The following SHC2 variants were observed in gnomAD, a reference collection of about 807,000 sequenced individuals.
SHC2 encodes SHC-transforming protein 2.
SHC2 carries 62 observed loss-of-function variants against 60.6 expected under a neutral mutation model. That is an observed-to-expected ratio of 1.02 (90% CI 0.83 to 1.26). The LOEUF is 1.26. Ranked by LOEUF, SHC2 falls within the 50% of genes most tolerant of loss-of-function variation. The pLI is 0.00. For missense variants in SHC2, 873 were observed against 822.2 expected (o/e 1.06, Z -0.76); for synonymous variants, 375 against 372.4 (o/e 1.01, Z -0.08).
At chr19:456,851 C>A (rs1312169761) in intron 1 of SHC2, among the ~76,000 whole-genome samples, 1,111 of 96,634 alleles carry the variant, frequency 0.011, 7 homozygotes, top group African/African-American at 0.038. Context: ...TGTCTGCAAT[C>A]CCCACCACGT....
At chr19:430,110 C>G (rs1003827120) in intron 9 of SHC2, among the ~76,000 whole-genome samples, 1 of 147,986 alleles carries the variant, frequency 6.8e-6, no homozygotes, top group Non-Finnish European at 1.5e-5. Flanking sequence ...AACCTAATAC[C>G]GTGTGGATGA....
At chr19:457,844 T>C (rs61749993) in intron 1 of SHC2, among the ~76,000 whole-genome samples, 14,727 of 152,318 alleles carry the variant, frequency 0.097, 864 homozygotes, top group Middle Eastern at 0.21. Flanking sequence ...GGCGTTAAAC[T>C]TGTAGGACAA....
At position 424,618 on chromosome 19, in the gene SHC2, C is replaced by T. The variant is rs1482044863; in HGVS notation, c.1309+479G>A. Among the ~76,000 whole-genome samples the T allele has an allele frequency of 6.6e-6, 1 of 152,192 alleles. No individual in the cohort carries two copies. The highest frequency in any genetic ancestry group is 1.5e-5 in the Non-Finnish European group (1 of 68,038). On this transcript the variant is annotated intron_variant, in intron 10 of 12. Transcript: ENST00000264554. The surrounding 1 kb of genome is among the most constrained non-coding windows in gnomAD (Gnocchi z 4.5). ...GGCCTCACAGACGGGGCCGCAGCCTCCCACCACACTGACCATTCTTTCAAG... is the reference window on the plus strand; with the variant it reads ...GGCCTCACAGACGGGGCCGCAGCCTTCCACCACACTGACCATTCTTTCAAG...
At chr19:442,186 A>C (rs1974888310) in intron 1 of SHC2, among the ~76,000 whole-genome samples, 1 of 151,724 alleles carries the variant, frequency 6.6e-6, no homozygotes, top group Admixed American at 6.6e-5. Context: ...GACTGACAGA[A>C]AGATGGCAGG....
At chr19:436,551 G>T in intron 5 of SHC2, 79 bp downstream of exon 5, 1 of 1,580,860 alleles carries the variant, frequency 6.3e-7, no homozygotes. Context: ...CGTTAGGCGG[G>T]CTCTGGGGAA....
rs112529733 is a variant in SHC2, at chr19:437,283, T to C, written c.721-600A>G. On this transcript the variant is annotated intron_variant, in intron 4 of 12. Coordinates refer to ENST00000264554, the MANE Select transcript of SHC2 (RefSeq NM_012435.3). Reference sequence around the variant, plus strand: ...GCGTGCTCGTCTGCGTGCTCGTCTGTGTGCTCATCTGCGTGCTCGTCTGTG... The same window carrying C: ...GCGTGCTCGTCTGCGTGCTCGTCTGCGTGCTCATCTGCGTGCTCGTCTGTG... Among the ~76,000 whole-genome samples the C allele has an allele frequency of 6.2e-3, 906 of 145,750 alleles. 3 individuals carry two copies. Among genetic ancestry groups the C allele is most frequent in the African/African-American group, 9.4e-3 (339 of 36,138 alleles).
At position 425,677 on chromosome 19, in the gene SHC2, A is replaced by G. The variant is rs1373582183; in HGVS notation, c.1175-446T>C. Among the ~76,000 whole-genome samples the G allele has an allele frequency of 6.6e-6, 1 of 152,202 alleles. No individual in the cohort carries two copies. The highest frequency in any genetic ancestry group is 2.4e-5 in the African/African-American group (1 of 41,460). On this transcript the variant is annotated intron_variant, in intron 9 of 12. Coordinates refer to ENST00000264554, the MANE Select transcript of SHC2 (RefSeq NM_012435.3). This position sits in a 1 kb window ranked among gnomAD's most constrained non-coding sequence, Gnocchi z 4.1. ...CACGGAGGGTCACTTATTCTGACTC[A>G]GTTCTATTTCAGGATTTTCCTTCCT...
chr19:435,447 G>A (rs533677474), intron 7 of SHC2, among the ~76,000 whole-genome samples: 13 of 152,384 alleles, frequency 8.5e-5, no homozygotes, highest in Admixed American at 3.9e-4. Context: ...CATCAAGCAC[G>A]CTGTCCCCGT....
intron 2 of SHC2, among the ~76,000 whole-genome samples, chr19:439,700 C>T (rs1974814349): frequency 6.6e-6 from 1 of 152,118 alleles, no homozygotes; most frequent in South Asian, 2.1e-4. Flanking sequence ...TGCAGCGGCT[C>T]CTGCCTGTCA....
intron 9 of SHC2, among the ~76,000 whole-genome samples, chr19:429,574 G>A (rs536813252): frequency 4.9e-4 from 73 of 148,766 alleles, no homozygotes; most frequent in African/African-American, 1.6e-3. Flanking sequence ...AACACCGTGT[G>A]GATGACGCAG....
rs1974764344 is a variant in SHC2 at position 438,069 on chromosome 19, C to CTG, written c.720+648_720+649insCA. Among the ~76,000 whole-genome samples the CTG allele has an allele frequency of 6.6e-6, 1 of 152,220 alleles. No homozygotes were observed. Among genetic ancestry groups the CTG allele is most frequent in the East Asian group, 1.9e-4 (1 of 5,198 alleles). ...GTGCAATCTTGGCTCACTGCAACCTCCACTCCCAGGTTCAAGCGATTCTCC... is the reference window on the plus strand; with the variant it reads ...GTGCAATCTTGGCTCACTGCAACCTCTGCACTCCCAGGTTCAAGCGATTCTCC... On this transcript the variant is annotated intron_variant, in intron 4 of 12. Coordinates refer to ENST00000264554, the MANE Select transcript of SHC2 (RefSeq NM_012435.3). The surrounding 1 kb of genome is among the most constrained non-coding windows in gnomAD (Gnocchi z 5.0).
At chr19:434,890 T>A in intron 7 of SHC2, 25 bp from the exon 8 acceptor site, 1 of 1,603,884 alleles carries the variant, frequency 6.2e-7, no homozygotes, top group Non-Finnish European at 8.5e-7. Context: ...ACAACGGCCA[T>A]GGCACAGGCA....
chr19:430,271 G>A (rs111929995), intron 9 of SHC2, among the ~76,000 whole-genome samples: 9,629 of 148,254 alleles, frequency 0.065, 1,052 homozygotes, highest in African/African-American at 0.23. Flanking sequence ...TGTGGATGAC[G>A]CAGTACCTAT....
chr19:450,150 C>T (rs951751569), intron 1 of SHC2, among the ~76,000 whole-genome samples: 2 of 152,176 alleles, frequency 1.3e-5, no homozygotes, highest in East Asian at 1.9e-4. Context: ...GCCATCATCG[C>T]GAGGCTGGGC....
At chr19:454,243 G>A (rs1209704391) in intron 1 of SHC2, among the ~76,000 whole-genome samples, 2 of 152,190 alleles carry the variant, frequency 1.3e-5, no homozygotes, top group African/African-American at 2.4e-5. Context: ...CACACTGGAC[G>A]GTGCAGACAC....
At chr19:429,205 A>G (rs1392014862) in intron 9 of SHC2, among the ~76,000 whole-genome samples, 2 of 148,448 alleles carry the variant, frequency 1.3e-5, no homozygotes, top group Non-Finnish European at 3.0e-5. Flanking sequence ...CCTATATCCA[A>G]CATGCAGAGA....
At position 422,624 on chromosome 19, in the gene SHC2, C is replaced by T. The variant is rs1348256733; in HGVS notation, c.1310-168G>A. 1.3e-5 allele frequency: 8 copies of T among 618,632 alleles called. No individual in the cohort carries two copies. The highest frequency in any genetic ancestry group is 1.9e-5 in the African/African-American group (1 of 53,882). The allele number at this position is 618,632 out of a possible 1,614,324, so 38.3% of individuals were successfully genotyped here. A position where few individuals can be genotyped will look rare whatever the true frequency, so the allele number is the denominator to read the frequency against. Reference sequence around the variant, plus strand: ...GACTCGCACTCTGCCCAGCCCCGTGCGTGCGGTGGGCTCACATGTGTAGCA... The same window carrying T: ...GACTCGCACTCTGCCCAGCCCCGTGTGTGCGGTGGGCTCACATGTGTAGCA... On this transcript the variant is annotated intron_variant, in intron 10 of 12. Transcript: ENST00000264554. The surrounding 1 kb of genome is among the most constrained non-coding windows in gnomAD (Gnocchi z 5.0).
intron 12 of SHC2, among the ~76,000 whole-genome samples, chr19:417,615 G>A (rs557162840): frequency 2.0e-5 from 3 of 152,360 alleles, no homozygotes; most frequent in Non-Finnish European, 2.9e-5. Flanking sequence ...TCCTGGGACA[G>A]GGCAACGGCC....
chr19:437,331 C>CGTGCTTGTTTGCATGGTCATCTGT (rs1974750837), intron 4 of SHC2, among the ~76,000 whole-genome samples: 1 of 151,852 alleles, frequency 6.6e-6, no homozygotes, highest in Admixed American at 6.6e-5. Flanking sequence ...TGCTCATCTG[C>CGTGCTTGTTTGCATGGTCATCTGT]GTGCTTGTTT....
Sources: allele counts gnomAD v4.1 joint callset (sites outside exome capture counted in the v4.1 genomes callset), GRCh38; gene constraint gnomAD v4.1.1; non-coding constraint Gnocchi (gnomAD v3.1); transcripts MANE v1.5; gene names NCBI Gene and HGNC (gene_info 2026-07-23, HGNC 2026-07-21).